NOX3: variants seen among roughly 807,000 people sequenced by gnomAD.
NOX3 encodes NADPH oxidase catalytic subunit-like 3.
Under a neutral mutation model 76.7 loss-of-function variants are expected in NOX3, and 74 were observed. The ratio of observed to expected loss-of-function variants is 0.96; its 90% confidence interval spans 0.80 to 1.17. NOX3 has a LOEUF of 1.17. Ranked by LOEUF, NOX3 falls within the 50% of genes most tolerant of loss-of-function variation. The pLI is 0.00. For synonymous variants in NOX3, 263 were observed against 261.1 expected (o/e 1.01, Z -0.07); for missense variants, 695 against 703.3 (o/e 0.99, Z 0.13).
intron 4 of NOX3, among the ~76,000 whole-genome samples, chr6:155,446,062 G>T (rs1369698499): frequency 1.3e-5 from 2 of 148,286 alleles, no homozygotes; most frequent in African/African-American, 5.0e-5. Flanking sequence ...TATACTTCAG[G>T]TTGAGGCTCA....
intron 10 of NOX3, among the ~76,000 whole-genome samples, chr6:155,413,090 G>A (rs1442567692): frequency 2.6e-5 from 4 of 152,124 alleles, no homozygotes; most frequent in African/African-American, 9.7e-5. Flanking sequence ...AGACATAGGA[G>A]GCATTCAACA....
chr6:155,428,442 A>T (rs373590955), intron 9 of NOX3, among the ~76,000 whole-genome samples: 1 of 152,204 alleles, frequency 6.6e-6, no homozygotes, highest in African/African-American at 2.4e-5. Context: ...CAATAAAAAA[A>T]ACTCAGACTG....
At chr6:155,414,791 C>T (rs990185737) in intron 10 of NOX3, among the ~76,000 whole-genome samples, 32 of 151,834 alleles carry the variant, frequency 2.1e-4, no homozygotes, top group African/African-American at 7.3e-4. Flanking sequence ...CCATGCACGA[C>T]GAAGTTTTTA....
intron 11 of NOX3, among the ~76,000 whole-genome samples, chr6:155,408,251 G>C (rs1776490669): frequency 6.6e-6 from 1 of 152,176 alleles, no homozygotes; most frequent in African/African-American, 2.4e-5. Flanking sequence ...CTCCCAAATT[G>C]TTGGGATTAC....
At chr6:155,405,940 C>T (rs1033599457) in intron 12 of NOX3, among the ~76,000 whole-genome samples, 2 of 152,174 alleles carry the variant, frequency 1.3e-5, no homozygotes, top group Non-Finnish European at 2.9e-5. Context: ...TACAATGACT[C>T]GCAGCTGTCT....
chr6:155,405,764 C>A (rs1776449102), intron 12 of NOX3, among the ~76,000 whole-genome samples: 1 of 152,170 alleles, frequency 6.6e-6, no homozygotes. Context: ...TTCTCATCAC[C>A]TCCTCTGCTG....
intron 7 of NOX3, among the ~76,000 whole-genome samples, chr6:155,432,139 A>G (rs1277913669): frequency 6.6e-6 from 1 of 152,110 alleles, no homozygotes; most frequent in African/African-American, 2.4e-5. Flanking sequence ...GATACATACA[A>G]TGTATCATGA....
rs568380489 is a variant in NOX3 at position 155,436,431 on chromosome 6, C to T, written c.785G>A (p.Gly262Asp). 2.5e-6 allele frequency: 4 copies of T among 1,614,024 alleles called. No homozygotes were observed. In the African/African-American group the frequency reaches 4.0e-5, roughly 16 times the overall value. ...VAQCPVPQFS[G>D]KEPSAWKWIL... ...GTTCATTCTTACCGAGGGTTCCTTG[C>T]CAGAAAATTGAGGCACGGGGCATTG... Residue 262 changes from glycine (G) to aspartate (D), a missense_variant, in exon 7 of 14, where the codon GGC becomes GAC. Physicochemically the swap from Gly to Asp is moderately conservative, Grantham distance 94. Coordinates refer to ENST00000159060, the MANE Select transcript of NOX3 (RefSeq NM_015718.3).
At chr6:155,414,654 G>GTC (rs1260898471) in intron 10 of NOX3, among the ~76,000 whole-genome samples, 1 of 123,084 alleles carries the variant, frequency 8.1e-6, no homozygotes, top group Admixed American at 9.7e-5. Flanking sequence ...TTGAGAGGGA[G>GTC]TCTCTCTCTG....
chr6:155,425,425 C>G (rs948678705), intron 9 of NOX3, among the ~76,000 whole-genome samples: 1 of 152,096 alleles, frequency 6.6e-6, no homozygotes, highest in African/African-American at 2.4e-5. Context: ...TGCCTGCATC[C>G]CTGTCCTGTG....
chr6:155,451,706 C>A (rs1019328243), intron 4 of NOX3, among the ~76,000 whole-genome samples: 3 of 151,934 alleles, frequency 2.0e-5, no homozygotes, highest in African/African-American at 4.8e-5. Flanking sequence ...CTCCCTGCAA[C>A]CTTCGCCTCC....
intron 5 of NOX3, among the ~76,000 whole-genome samples, chr6:155,441,460 G>T (rs1776984739): frequency 6.6e-6 from 1 of 152,104 alleles, no homozygotes. Context: ...GCCTATTAAG[G>T]CAAATCGCCA....
chr6:155,432,223 C>G (rs1776843837), intron 7 of NOX3, among the ~76,000 whole-genome samples: 1 of 152,076 alleles, frequency 6.6e-6, no homozygotes, highest in Non-Finnish European at 1.5e-5. Flanking sequence ...CATTCAATAT[C>G]CTCTAATTCT....
chr6:155,441,063 A>G (rs1776979669), intron 5 of NOX3, among the ~76,000 whole-genome samples: 1 of 152,248 alleles, frequency 6.6e-6, no homozygotes, highest in African/African-American at 2.4e-5. Flanking sequence ...CTAAACGGCC[A>G]GAATTCTGAC....
Position 155,396,874 on chromosome 6 carries a change from TG to T in NOX3, c.1668del (p.Arg557GlufsTer44). On this transcript the variant is annotated frameshift_variant, in exon 13 of 14. Transcript: ENST00000159060. LOFTEE classifies it high-confidence loss of function. ...KMCHLYSSAD[P>X]RGVHFYYNKE... is the part of the protein sequence containing the mutation. ...TTGTTGTAATAGAAATGAACACCTC[TG>T]GGGTCAGCTGATGAATACAAGTGGC... 1 of 1,612,990 alleles carries T rather than the reference TG, an allele frequency of 6.2e-7. No individual in the cohort carries two copies. The highest frequency in any genetic ancestry group is 8.5e-7 in the Non-Finnish European group (1 of 1,179,208).
chr6:155,455,058 G>A lies in NOX3; in HGVS notation c.120C>T (p.Phe40=), dbSNP rs1291521911. The A allele has an allele frequency of 6.2e-7, 1 of 1,612,636 alleles. No homozygotes were observed. The highest frequency in any genetic ancestry group is 1.7e-5 in the Admixed American group (1 of 59,922). Residue 40 remains phenylalanine (F), a synonymous_variant, in exon 2 of 14, where the codon TTC becomes TTT. Coordinates refer to ENST00000159060, the MANE Select transcript of NOX3 (RefSeq NM_015718.3). ...TFYWYEEEES[F]HYTRVILGST... ...CACCCAAAATAACTCGTGTGTAATGGAAAGACTCCTCCTCTTCATACCAGT... is the reference window on the plus strand; with the variant it reads ...CACCCAAAATAACTCGTGTGTAATGAAAAGACTCCTCCTCTTCATACCAGT...
intron 6 of NOX3, among the ~76,000 whole-genome samples, chr6:155,439,559 TG>T (rs1455671264): frequency 1.3e-5 from 2 of 152,182 alleles, no homozygotes; most frequent in Non-Finnish European, 2.9e-5. Context: ...GCCCGAACAG[TG>T]GGTTTCCTAG....
Position 155,443,366 on chromosome 6 carries a change from C to G in NOX3, c.393G>C (p.Gln131His), listed in dbSNP as rs1002919868. ...CCAGAAGTCCCTGGGCCTCCTCGGA[C>G]TGGCTCCAGTGGTAGCGTTCCAGGT... ...FFNLERYHWS[Q>H]SEEAQGLLAA... is the part of the protein sequence containing the mutation. Residue 131 changes from glutamine to histidine, a missense_variant, in exon 5 of 14, where the codon CAG (glutamine) becomes CAC (histidine). By Grantham distance (24) the Gln-to-His change is conservative. Coordinates refer to ENST00000159060, the MANE Select transcript of NOX3 (RefSeq NM_015718.3). 2 of 1,613,946 alleles carry G rather than the reference C, an allele frequency of 1.2e-6. No homozygotes were observed. Among genetic ancestry groups the G allele is most frequent in the African/African-American group, 2.7e-5 (2 of 74,914 alleles).
chr6:155,422,959 T>C, intron 9 of NOX3, 103 bp from the exon 10 acceptor site: 1 of 1,197,322 alleles, frequency 8.4e-7, no homozygotes, highest in South Asian at 1.4e-5. Flanking sequence ...TGTTTGCCAG[T>C]GCATGCAGAG....
Sources: gnomAD v4.1 joint callset for allele counts (sites outside exome capture counted in the v4.1 genomes callset) on GRCh38, gnomAD v4.1.1 for gene constraint, MANE v1.5 for transcripts, NCBI Gene and HGNC (gene_info 2026-07-23, HGNC 2026-07-21) for gene names.